The following TCF20 variants were observed in gnomAD, a reference collection of about 807,000 sequenced individuals.
The protein encoded by TCF20 is transcription factor 20.
A neutral mutation model predicts 148.6 loss-of-function variants in TCF20; 3 were observed. That is an observed-to-expected ratio of 0.02 (90% confidence interval 0.01 to 0.05). The LOEUF is 0.05. Ranked by LOEUF, TCF20 falls within the 10% of genes least tolerant of loss-of-function variation. TCF20 has a pLI of 1.00. For missense variants in TCF20, 2,350 were observed against 2,429.3 expected (o/e 0.97, Z 0.69); for synonymous variants, 1,049 against 909.5 (o/e 1.15, Z -2.76).
At chr22:42,334,039 G>A (rs1475903981) in intron 1 of TCF20, among the ~76,000 whole-genome samples, 1 of 152,108 alleles carries the variant, frequency 6.6e-6, no homozygotes, top group Non-Finnish European at 1.5e-5. Context: ...TGGTACCCTT[G>A]GTGTCAGAGG....
chr22:42,192,358 T>C (rs1937376210), intron 2 of TCF20, among the ~76,000 whole-genome samples: 1 of 152,206 alleles, frequency 6.6e-6, no homozygotes, highest in East Asian at 1.9e-4. Flanking sequence ...GAGGTCTTTC[T>C]CATTTTTACT....
chr22:42,250,321 C>T (rs1203867529), intron 1 of TCF20, among the ~76,000 whole-genome samples: 1 of 151,896 alleles, frequency 6.6e-6, no homozygotes. Context: ...GGCGGGGCGC[C>T]TGTAATCCCA....
In TCF20 at chr22:42,317,282, C is replaced by T. The variant is rs1186755310; in HGVS notation, c.-37+26197G>A. Among the ~76,000 whole-genome samples, 1 of 152,168 alleles carries T rather than the reference C, an allele frequency of 6.6e-6. No homozygotes were observed. The highest frequency in any genetic ancestry group is 1.5e-5 in the Non-Finnish European group (1 of 68,034). On this transcript the variant is annotated intron_variant, in intron 1 of 1. Coordinates refer to the TCF20 transcript ENST00000515426. The surrounding 1 kb of genome is among the most constrained non-coding windows in gnomAD (Gnocchi z 4.2). ...TCGGAGGTTCAGCCAAGAGCCCTAGCGTGGAAATCACCACACTGAAGGTGG... is the reference window on the plus strand; with the variant it reads ...TCGGAGGTTCAGCCAAGAGCCCTAGTGTGGAAATCACCACACTGAAGGTGG...
chr22:42,285,739 C>T (rs1484915929), upstream of TCF20, among the ~76,000 whole-genome samples: 2 of 152,046 alleles, frequency 1.3e-5, no homozygotes, highest in African/African-American at 4.8e-5. The surrounding 1 kb of genome is among the most constrained non-coding windows in gnomAD (Gnocchi z 4.2). Flanking sequence ...ATCCAAAGTG[C>T]TAGGATTAAA....
chr22:42,269,584 C>T (rs112248227), intron 1 of TCF20, among the ~76,000 whole-genome samples: 1 of 152,220 alleles, frequency 6.6e-6, no homozygotes, highest in East Asian at 1.9e-4. Context: ...CACTTTCCCC[C>T]GAAAAAGGGA....
chr22:42,337,725 G>T (rs902562310), intron 1 of TCF20, among the ~76,000 whole-genome samples: 1 of 152,228 alleles, frequency 6.6e-6, no homozygotes, highest in Admixed American at 6.5e-5. Context: ...AAATATTCCA[G>T]GGGTAGTTTC....
At chr22:42,229,324 G>A (rs967970164) in intron 1 of TCF20, among the ~76,000 whole-genome samples, 1 of 152,170 alleles carries the variant, frequency 6.6e-6, no homozygotes, top group African/African-American at 2.4e-5. Flanking sequence ...AATAAAAAAG[G>A]GAAGGAGAGA....
chr22:42,330,340 G>A (rs578026040), intron 1 of TCF20, among the ~76,000 whole-genome samples: 1 of 152,308 alleles, frequency 6.6e-6, no homozygotes, highest in Non-Finnish European at 1.5e-5. Context: ...ACTGACGTTT[G>A]CAGTGTCCCC....
intron 2 of TCF20, among the ~76,000 whole-genome samples, chr22:42,198,584 G>C (rs565103173): frequency 1.3e-5 from 2 of 151,880 alleles, no homozygotes; most frequent in South Asian, 4.2e-4. Context: ...GCTATGCAAA[G>C]TTGTTATACT....
chr22:42,196,199 G>T lies in TCF20; in HGVS notation c.5655+13452C>A, dbSNP rs1000095351. Among the ~76,000 whole-genome samples the T allele has an allele frequency of 3.3e-5, 5 of 152,200 alleles. No individual in the cohort carries two copies. In the East Asian group the frequency reaches 5.8e-4, roughly 18 times the overall value. On this transcript the variant is annotated intron_variant, in intron 2 of 5. Transcript: ENST00000677622. Reference sequence around the variant, plus strand: ...AGACCTGCCACTATTGGAGTGACTTGGGGGATTTGACCCATGGGTGCTAAG... The same window carrying T: ...AGACCTGCCACTATTGGAGTGACTTTGGGGATTTGACCCATGGGTGCTAAG...
chr22:42,186,455 T>C (rs974972558), intron 2 of TCF20, among the ~76,000 whole-genome samples: 3 of 152,256 alleles, frequency 2.0e-5, no homozygotes, highest in Non-Finnish European at 4.4e-5. Flanking sequence ...ATCTCTGTCA[T>C]ACTTTGGCAA....
At chr22:42,293,898 G>C (rs994940234) in intron 1 of TCF20, among the ~76,000 whole-genome samples, 8 of 152,214 alleles carry the variant, frequency 5.3e-5, no homozygotes, top group Non-Finnish European at 1.2e-4. Context: ...TACTCAGGAG[G>C]CTGAGGCAGG....
chr22:42,263,415 C>T (rs1384703664), intron 1 of TCF20, among the ~76,000 whole-genome samples: 1 of 152,176 alleles, frequency 6.6e-6, no homozygotes, highest in Non-Finnish European at 1.5e-5. Flanking sequence ...AGTGCTTCAT[C>T]CTTAGGGCAC....
chr22:42,161,025 A>C lies in TCF20; in HGVS notation c.*378T>G, dbSNP rs1420110983. The C allele has an allele frequency of 3.7e-6, 1 of 267,936 alleles. No individual in the cohort carries two copies. Among genetic ancestry groups the C allele is most frequent in the Non-Finnish European group, 7.0e-6 (1 of 143,710 alleles). 16.6% of individuals were successfully genotyped at this position (267,936 alleles called of 1,614,324 possible). ...AAAGGGATAGCGCACCTTTCATTTAAACAAAGTCTTTCCAGACTAAAAATA... is the reference window on the plus strand; with the variant it reads ...AAAGGGATAGCGCACCTTTCATTTACACAAAGTCTTTCCAGACTAAAAATA... On this transcript the variant is annotated 3_prime_UTR_variant, in exon 6 of 6. Transcript: ENST00000677622.
chr22:42,230,737 C>T (rs1188811396), intron 1 of TCF20, among the ~76,000 whole-genome samples: 1 of 151,964 alleles, frequency 6.6e-6, no homozygotes, highest in Non-Finnish European at 1.5e-5. Flanking sequence ...TTCCAGTGGG[C>T]CAAGATGTGA....
At chr22:42,185,807 G>A (rs1394612394) in intron 2 of TCF20, among the ~76,000 whole-genome samples, 1 of 152,190 alleles carries the variant, frequency 6.6e-6, no homozygotes, top group Non-Finnish European at 1.5e-5. Flanking sequence ...AAAAGCTCAT[G>A]AGACTGGCTG....
chr22:42,323,927 T>C (rs1927794649), intron 1 of TCF20, among the ~76,000 whole-genome samples: 2 of 13,026 alleles, frequency 1.5e-4, no homozygotes, highest in Admixed American at 9.1e-4. Context: ...ATGGAGGTTA[T>C]GGTGGTGGTG....
intron 1 of TCF20, among the ~76,000 whole-genome samples, chr22:42,322,768 GAATGAATGAGTGCCTGAGTA>G (rs772880652): frequency 1.4e-5 from 2 of 143,890 alleles, no homozygotes; most frequent in Admixed American, 6.8e-5. Flanking sequence ...GTGTCTGAGT[GAATGAATGAGTGCCTGAGTA>G]AATGAATGAG....
At chr22:42,244,806 G>T (rs759159571) in intron 1 of TCF20, among the ~76,000 whole-genome samples, 4 of 152,092 alleles carry the variant, frequency 2.6e-5, no homozygotes, top group Non-Finnish European at 4.4e-5. Context: ...CTGGCTGGGC[G>T]CAGTGGCTCA....
Sources: gnomAD v4.1 joint callset for allele counts (sites outside exome capture counted in the v4.1 genomes callset) on GRCh38, gnomAD v4.1.1 for gene constraint, Gnocchi (gnomAD v3.1) non-coding constraint, MANE v1.5 for transcripts, NCBI Gene and HGNC (gene_info 2026-07-23, HGNC 2026-07-21) for gene names.